Variants in GSK3B observed in about 807,000 individuals in gnomAD.
GSK3B encodes glycogen synthase kinase-3 beta.
Under a neutral mutation model 56.4 loss-of-function variants are expected in GSK3B, and 15 were observed. That is an observed-to-expected ratio of 0.27 (90% CI 0.18 to 0.41). The LOEUF is 0.41. GSK3B is among the 10% of genes least tolerant of loss of function. The pLI, the probability that GSK3B is intolerant of heterozygous loss-of-function variation, is 1.00. For missense variants in GSK3B, 300 were observed against 513.4 expected (o/e 0.58, Z 4.02); for synonymous variants, 181 against 188.9 (o/e 0.96, Z 0.34).
At chr3:119,904,815 C>G (rs903402886) in intron 7 of GSK3B, among the ~76,000 whole-genome samples, 3 of 152,072 alleles carry the variant, frequency 2.0e-5, no homozygotes, top group Non-Finnish European at 4.4e-5. Flanking sequence ...ACAACATGAC[C>G]TCTAAGGAGA....
intron 10 of GSK3B, among the ~76,000 whole-genome samples, chr3:119,837,561 T>G (rs1441941564): frequency 6.6e-6 from 1 of 152,056 alleles, no homozygotes; most frequent in Non-Finnish European, 1.5e-5. Flanking sequence ...AGATGACCAC[T>G]TCTCGGTAGA....
chr3:119,942,499 T>C (rs1430518040), intron 3 of GSK3B, among the ~76,000 whole-genome samples: 1 of 151,868 alleles, frequency 6.6e-6, no homozygotes, highest in African/African-American at 2.4e-5. Flanking sequence ...GGGGTTTCAC[T>C]ACGTTGGCCA....
At chr3:119,883,214 T>C (rs531535389) in intron 7 of GSK3B, among the ~76,000 whole-genome samples, 1 of 152,246 alleles carries the variant, frequency 6.6e-6, no homozygotes, top group African/African-American at 2.4e-5. Flanking sequence ...TTAGGGTGGC[T>C]GACAGTGGGA....
At chr3:119,985,823 G>C (rs1445236069) in intron 2 of GSK3B, among the ~76,000 whole-genome samples, 3 of 152,030 alleles carry the variant, frequency 2.0e-5, no homozygotes, top group Non-Finnish European at 1.5e-5. Flanking sequence ...TCACAGAATT[G>C]GAAAAAACTA....
At chr3:119,930,857 A>G (rs1003041669) in intron 3 of GSK3B, among the ~76,000 whole-genome samples, 2 of 152,228 alleles carry the variant, frequency 1.3e-5, no homozygotes, top group Non-Finnish European at 2.9e-5. Context: ...GCAAGTAGTG[A>G]TATCCCTTTA....
At chr3:119,878,195 G>A (rs777580060) in intron 7 of GSK3B, among the ~76,000 whole-genome samples, 18 of 151,948 alleles carry the variant, frequency 1.2e-4, no homozygotes, top group Non-Finnish European at 2.2e-4. Context: ...GGCTAGTCAC[G>A]AACTTTGCAG....
chr3:120,021,278 G>A (rs1023326387), intron 1 of GSK3B, among the ~76,000 whole-genome samples: 5 of 151,844 alleles, frequency 3.3e-5, no homozygotes. Flanking sequence ...GGCCGAGGCA[G>A]GTGGATCACG....
chr3:120,012,351 C>T (rs556474371), intron 1 of GSK3B, among the ~76,000 whole-genome samples: 1 of 152,314 alleles, frequency 6.6e-6, no homozygotes, highest in East Asian at 1.9e-4. Context: ...TTGCCCAGTA[C>T]TAAATTTCCT....
At chr3:119,856,717 A>C (rs1213997489) in intron 9 of GSK3B, among the ~76,000 whole-genome samples, 1 of 152,192 alleles carries the variant, frequency 6.6e-6, no homozygotes, top group Admixed American at 6.5e-5. Context: ...TTACTCTTCT[A>C]GATTACTTAG....
chr3:120,083,463 A>AT (rs2058438870), intron 1 of GSK3B, among the ~76,000 whole-genome samples: 1 of 152,164 alleles, frequency 6.6e-6, no homozygotes, highest in Non-Finnish European at 1.5e-5. Context: ...AAATTGGTAC[A>AT]TTTGGGGGGA....
intron 1 of GSK3B, among the ~76,000 whole-genome samples, chr3:120,008,708 C>A (rs1339452067): frequency 6.6e-6 from 1 of 152,152 alleles, no homozygotes; most frequent in Non-Finnish European, 1.5e-5. Flanking sequence ...AAAATCAACT[C>A]AAGATGGATC....
intron 8 of GSK3B, among the ~76,000 whole-genome samples, chr3:119,865,461 TA>T (rs2056167906): frequency 7.5e-4 from 15 of 19,910 alleles, no homozygotes; most frequent in Non-Finnish European, 1.1e-3. Context: ...TATATATATA[TA>T]TATATTTTTT....
rs57760854 is a variant in GSK3B at position 119,885,248 on chromosome 3, C to CAAATAAAATAAAATAAAATAAAATA, written c.814-8765_814-8741dup. Among the ~76,000 whole-genome samples, 636 of 143,892 alleles carry CAAATAAAATAAAATAAAATAAAATA rather than the reference C, an allele frequency of 4.4e-3. 5 individuals are homozygous for CAAATAAAATAAAATAAAATAAAATA. The highest frequency in any genetic ancestry group is 0.014 in the African/African-American group (538 of 38,490). 94.4% of individuals were successfully genotyped at this position (143,892 alleles called of 152,430 possible). Reference sequence around the variant, plus strand: ...AACACAATCCTATTTACAATAGCCACAAATAAAATAAAATAAAATAAAATA... The same window carrying CAAATAAAATAAAATAAAATAAAATA: ...AACACAATCCTATTTACAATAGCCACAAATAAAATAAAATAAAATAAAATAAAATAAAATAAAATAAAATAAAATA... On this transcript the variant is annotated intron_variant, in intron 7 of 10. Coordinates refer to ENST00000264235, the MANE Select transcript of GSK3B (RefSeq NM_001146156.2).
intron 9 of GSK3B, among the ~76,000 whole-genome samples, chr3:119,853,157 C>T (rs1425720272): frequency 6.6e-6 from 1 of 152,132 alleles, no homozygotes; most frequent in East Asian, 1.9e-4. Context: ...GCCAGTTTTC[C>T]CGGCACCATT....
intron 7 of GSK3B, among the ~76,000 whole-genome samples, chr3:119,881,522 C>T (rs1157142382): frequency 4.6e-5 from 7 of 151,966 alleles, no homozygotes; most frequent in Non-Finnish European, 1.0e-4. Flanking sequence ...TCAGAAATGC[C>T]CACTCTTGAA....
intron 1 of GSK3B, among the ~76,000 whole-genome samples, chr3:120,076,456 G>A (rs1042888329): frequency 2.0e-5 from 3 of 152,160 alleles, no homozygotes; most frequent in Non-Finnish European, 4.4e-5. Flanking sequence ...TATCTGATAA[G>A]GGGTTAATAT....
chr3:119,993,300 T>C (rs563783025), intron 2 of GSK3B, among the ~76,000 whole-genome samples: 28 of 152,216 alleles, frequency 1.8e-4, no homozygotes, highest in African/African-American at 6.7e-4. Flanking sequence ...TTTCTGACTT[T>C]TGGAACCATG....
At chr3:119,866,717 A>G in intron 8 of GSK3B, 1 of 828,234 alleles carries the variant, frequency 1.2e-6, no homozygotes, top group East Asian at 2.5e-5. Flanking sequence ...ATCCAATGTT[A>G]TAAGAAATCC....
At chr3:120,011,789 T>C (rs2057780609) in intron 1 of GSK3B, among the ~76,000 whole-genome samples, 1 of 152,234 alleles carries the variant, frequency 6.6e-6, no homozygotes, top group Non-Finnish European at 1.5e-5. Context: ...GGCAATAAGA[T>C]AACAACTGTA....
Sources: gnomAD v4.1 joint callset for allele counts (sites outside exome capture counted in the v4.1 genomes callset) on GRCh38, gnomAD v4.1.1 for gene constraint, MANE v1.5 for transcripts, NCBI Gene and HGNC (gene_info 2026-07-23, HGNC 2026-07-21) for gene names.